Variants in WIPI1 observed in about 807,000 individuals in gnomAD.
WIPI1 encodes the protein WD repeat domain, phosphoinositide interacting 1, also known as WD repeat domain phosphoinositide-interacting protein 1.
Under a neutral mutation model 55.3 loss-of-function variants are expected in WIPI1, and 45 were observed. The ratio of observed to expected loss-of-function variants is 0.81; its 90% CI spans 0.64 to 1.04. The LOEUF (loss-of-function observed/expected upper bound fraction) is 1.04. WIPI1 is among the 50% of genes least tolerant of loss of function. WIPI1 has a pLI of 0.00. For missense variants in WIPI1, 445 were observed against 559.0 expected, an observed-to-expected ratio of 0.80 and a Z score of 2.06; for synonymous variants, 195 against 217.6, an observed-to-expected ratio of 0.90 and a Z score of 0.92.
chr17:68,442,239 G>A (rs1241950872), intron 4 of WIPI1, among the ~76,000 whole-genome samples: 2 of 152,050 alleles, frequency 1.3e-5, no homozygotes, highest in East Asian at 1.9e-4. Context: ...CAAGGCGGGC[G>A]GATCACTTGA....
chr17:68,441,863 A>G (rs2147938031), intron 4 of WIPI1, among the ~76,000 whole-genome samples: 1 of 152,348 alleles, frequency 6.6e-6, no homozygotes, highest in Admixed American at 6.5e-5. Flanking sequence ...ATATCTCCAA[A>G]GAACATCAGA....
At chr17:68,431,319 C>T (rs2083500252) in intron 8 of WIPI1, among the ~76,000 whole-genome samples, 1 of 152,148 alleles carries the variant, frequency 6.6e-6, no homozygotes, top group Non-Finnish European at 1.5e-5. Context: ...ATCATCATCA[C>T]AACCTCCCTG....
Position 68,426,250 on chromosome 17 carries a change from G to GGGGGGGGGGGGGGGGT in WIPI1, c.1193-76_1193-75insACCCCCCCCCCCCCCC. The stretch of plus-strand genomic sequence containing the variant: ...TGCCATGACCTGGCGGGTGGGGAGC[G>GGGGGGGGGGGGGGGGT]GGGGCTCAAATAAAGGGCAAAGGAA... On this transcript the variant is annotated intron_variant, in intron 11 of 12. Coordinates refer to ENST00000262139, the MANE Select transcript of WIPI1 (RefSeq NM_017983.7). 5 of 828,060 alleles carry GGGGGGGGGGGGGGGGT rather than the reference G, an allele frequency of 6.0e-6. 1 individual carries two copies. Among genetic ancestry groups the GGGGGGGGGGGGGGGGT allele is most frequent in the Non-Finnish European group, 9.6e-6 (5 of 522,662 alleles). 51.3% of individuals were successfully genotyped at this position (828,060 alleles called of 1,614,324 possible). A position where few individuals can be genotyped will look rare whatever the true frequency, so the allele number is the denominator to read the frequency against.
At chr17:68,434,675 C>A in intron 6 of WIPI1, 49 bp from the exon 7 acceptor site, 1 of 1,589,646 alleles carries the variant, frequency 6.3e-7, no homozygotes, top group Non-Finnish European at 8.6e-7. Flanking sequence ...TGGCTTTACA[C>A]AGAGATGTCC....
At chr17:68,425,382 CT>C (rs112331284) in intron 12 of WIPI1, among the ~76,000 whole-genome samples, 60,671 of 131,842 alleles carry the variant, frequency 0.46, 13,672 homozygotes, top group Admixed American at 0.56. Context: ...TTTTTCTTTT[CT>C]TTTTTTTTTT....
At chr17:68,446,011 C>A (rs562897858) in intron 3 of WIPI1, among the ~76,000 whole-genome samples, 1 of 152,262 alleles carries the variant, frequency 6.6e-6, no homozygotes, top group Admixed American at 6.5e-5. Flanking sequence ...TCCTTTTATT[C>A]CAGGGAACAT....
intron 11 of WIPI1, among the ~76,000 whole-genome samples, chr17:68,426,409 T>G (rs760690307): frequency 6.6e-6 from 1 of 152,202 alleles, no homozygotes; most frequent in South Asian, 2.1e-4. Context: ...TTTGAATTTT[T>G]CTTTGTTGAG....
chr17:68,428,890 G>A lies in WIPI1; in HGVS notation c.1012C>T (p.Leu338Phe), dbSNP rs1486137743. The change falls in exon 10 of 13, where the codon CTT becomes TTT. Residue 338 changes from leucine to phenylalanine, a missense_variant. By Grantham distance (22) the Leu-to-Phe change is conservative. Transcript: ENST00000262139. Reference protein sequence around the residue: ...RLLVASSSGHLYMYNLDPQDG... With the variant: ...RLLVASSSGHFYMYNLDPQDG... The stretch of plus-strand genomic sequence containing the variant: ...TGAGGATCCAAATTGTACATATAAA[G>A]GTGTCCACTGGATGACGCAACTAGC... The A allele has an allele frequency of 6.2e-7, 1 of 1,614,156 alleles. No homozygotes were observed. The highest frequency in any genetic ancestry group is 8.5e-7 in the Non-Finnish European group (1 of 1,180,028).
rs1290883969 is a variant in WIPI1, at chr17:68,452,903, C to T, written c.163+7G>A. ...AGATCCCTGAGGTCTCTCTCACACACACTTACTGCTTCCGTGGACTTGATC... is the reference window on the plus strand; with the variant it reads ...AGATCCCTGAGGTCTCTCTCACACATACTTACTGCTTCCGTGGACTTGATC... On this transcript the variant is annotated splice_region_variant and intron_variant, in intron 2 of 12. Coordinates refer to ENST00000262139, the MANE Select transcript of WIPI1 (RefSeq NM_017983.7). 2 of 1,613,264 alleles carry T rather than the reference C, an allele frequency of 1.2e-6. No individual in the cohort carries two copies. Among genetic ancestry groups the T allele is most frequent in the Non-Finnish European group, 1.7e-6 (2 of 1,179,854 alleles).
chr17:68,424,003 G>A (rs977178567), intron 12 of WIPI1, among the ~76,000 whole-genome samples: 11 of 152,102 alleles, frequency 7.2e-5, no homozygotes, highest in African/African-American at 2.4e-4. Flanking sequence ...TTGTCCCCAC[G>A]GTGTCTGACC....
chr17:68,444,628 C>T (rs563512507), intron 3 of WIPI1, 39 bp from the exon 4 acceptor site: 3 of 1,553,012 alleles, frequency 1.9e-6, no homozygotes, highest in African/African-American at 2.7e-5. Flanking sequence ...CGAACCGTTC[C>T]TTACAAAGAC....
intron 8 of WIPI1, 55 bp downstream of exon 8, chr17:68,433,413 C>G: frequency 6.8e-7 from 1 of 1,480,372 alleles, no homozygotes; most frequent in Non-Finnish European, 9.4e-7. Flanking sequence ...AGTAGAAGAG[C>G]CTAGGCCTGA....
In WIPI1 at chr17:68,430,094, G is replaced by A. The variant is rs978804735; in HGVS notation, c.867C>T (p.Tyr289=). The change falls in exon 9 of 13, where the codon TAC becomes TAT. Residue 289 remains tyrosine (Y), a synonymous_variant. Coordinates refer to ENST00000262139, the MANE Select transcript of WIPI1 (RefSeq NM_017983.7). ...TCATGTCTGACACCTGGGTAGGGAG[G>A]TAGTTGGTAGCAGCCATAAACATCT... is the stretch of plus-strand genomic sequence containing the variant. ...MGKMFMAATN[Y]LPTQVSDMMH... is the part of the protein sequence containing the mutation. The A allele has an allele frequency of 1.9e-6, 3 of 1,614,034 alleles. No individual in the cohort carries two copies. Among genetic ancestry groups the A allele is most frequent in the East Asian group, 4.5e-5 (2 of 44,892 alleles).
intron 8 of WIPI1, 100 bp downstream of exon 8, chr17:68,433,368 T>G: frequency 9.1e-7 from 1 of 1,104,498 alleles, no homozygotes; most frequent in Non-Finnish European, 1.4e-6. Context: ...GAAGCCAAGA[T>G]TGGGTGTTCA....
rs556777098 is a variant in WIPI1, at chr17:68,433,760, GTTTTTTTTTTTTTTTTT to G, written c.693-202_693-186del. Among the ~76,000 whole-genome samples the G allele has an allele frequency of 2.9e-3, 212 of 72,794 alleles. 2 individuals are homozygous for G. Among genetic ancestry groups the G allele is most frequent in the East Asian group, 0.027 (44 of 1,656 alleles). The allele number at this position is 72,794 out of a possible 152,430, so 47.8% of individuals were successfully genotyped here. On this transcript the variant is annotated intron_variant, in intron 7 of 12. Coordinates refer to ENST00000262139, the MANE Select transcript of WIPI1 (RefSeq NM_017983.7). Reference sequence around the variant, plus strand: ...TCAGAAAGATTCACAAAGGGTCATAGTTTTTTTTTTTTTTTTTTTTTTTTTTTTTTTTTTTTTTGAGA... The same window carrying G: ...TCAGAAAGATTCACAAAGGGTCATAGTTTTTTTTTTTTTTTTTTTTTGAGA...
chr17:68,449,640 T>C (rs1600377974), intron 3 of WIPI1, among the ~76,000 whole-genome samples: 1 of 152,192 alleles, frequency 6.6e-6, no homozygotes. Context: ...TTGGTCCTGC[T>C]CCTGCCACGT....
intron 3 of WIPI1, among the ~76,000 whole-genome samples, chr17:68,449,751 T>C (rs1468132516): frequency 1.3e-5 from 2 of 152,208 alleles, no homozygotes; most frequent in African/African-American, 2.4e-5. Context: ...CTGCAGAACC[T>C]TGACCCAGTG....
At chr17:68,435,779 C>T in intron 5 of WIPI1, 67 bp from the exon 6 acceptor site, 2 of 1,436,096 alleles carry the variant, frequency 1.4e-6, no homozygotes, top group African/African-American at 2.8e-5. Flanking sequence ...CACCTCCCTC[C>T]CCTTCCTCTT....
At chr17:68,424,045 T>C (rs2082981627) in intron 12 of WIPI1, among the ~76,000 whole-genome samples, 1 of 152,138 alleles carries the variant, frequency 6.6e-6, no homozygotes, top group Non-Finnish European at 1.5e-5. Context: ...AGCCTCGACT[T>C]CAGGTAAATA....
Sources: gnomAD v4.1 joint callset for allele counts (sites outside exome capture counted in the v4.1 genomes callset) on GRCh38, gnomAD v4.1.1 for gene constraint, MANE v1.5 for transcripts, NCBI Gene and HGNC (gene_info 2026-07-23, HGNC 2026-07-21) for gene names.